Variants in CNTN5 observed in about 807,000 individuals in gnomAD.
CNTN5 encodes contactin 5, also known as contactin-5.
Under a neutral mutation model 129.1 loss-of-function variants are expected in CNTN5, and 77 were observed. The ratio of observed to expected loss-of-function variants is 0.60; its 90% confidence interval spans 0.50 to 0.72. The LOEUF is 0.72. CNTN5 is among the 30% of genes least tolerant of loss of function. The pLI is 0.00. For synonymous variants in CNTN5, 509 were observed against 465.6 expected, an observed-to-expected ratio of 1.09 and a Z score of -1.20; for missense variants, 1,478 against 1,328.8, an observed-to-expected ratio of 1.11 and a Z score of -1.75.
At chr11:100,259,699 G>A (rs1360991575) in intron 17 of CNTN5, among the ~76,000 whole-genome samples, 2 of 151,788 alleles carry the variant, frequency 1.3e-5, no homozygotes, top group African/African-American at 2.4e-5. Context: ...ATGACTACTG[G>A]GTAAATAATG....
intron 1 of CNTN5, among the ~76,000 whole-genome samples, chr11:99,257,421 T>C (rs1591432255): frequency 6.6e-6 from 1 of 152,180 alleles, no homozygotes; most frequent in East Asian, 1.9e-4. Context: ...TTTGTCAAAC[T>C]ATCCATCTTT....
At chr11:99,337,156 A>G (rs1866264409) in intron 2 of CNTN5, among the ~76,000 whole-genome samples, 1 of 152,208 alleles carries the variant, frequency 6.6e-6, no homozygotes, top group Non-Finnish European at 1.5e-5. Flanking sequence ...AAATGAAGAT[A>G]AGCATAATCT....
At chr11:99,348,938 T>C (rs1318157830) in intron 2 of CNTN5, among the ~76,000 whole-genome samples, 1 of 152,216 alleles carries the variant, frequency 6.6e-6, no homozygotes, top group Non-Finnish European at 1.5e-5. Context: ...AGGTTCACTA[T>C]AGCAGGTTCA....
intron 3 of CNTN5, among the ~76,000 whole-genome samples, chr11:99,772,452 G>T (rs1199075853): frequency 2.0e-5 from 3 of 151,990 alleles, no homozygotes; most frequent in Non-Finnish European, 4.4e-5. Flanking sequence ...TCTTGGATTT[G>T]CTCCTGACAT....
At chr11:99,073,374 GTTTTT>G (rs750531770) in intron 1 of CNTN5, among the ~76,000 whole-genome samples, 1 of 61,198 alleles carries the variant, frequency 1.6e-5, no homozygotes, top group Non-Finnish European at 2.9e-5. Flanking sequence ...TTATGGTTTG[GTTTTT>G]TTTTTTTTTT....
At chr11:100,008,260 A>G (rs2137508074) in intron 9 of CNTN5, among the ~76,000 whole-genome samples, 1 of 152,250 alleles carries the variant, frequency 6.6e-6, no homozygotes, top group Admixed American at 6.5e-5. Context: ...TTGTGCCAGT[A>G]GATTTGCTTG....
At chr11:99,388,432 C>G (rs10750287) in intron 2 of CNTN5, among the ~76,000 whole-genome samples, 144,462 of 144,676 alleles carry the variant, frequency 1, 72,128 homozygotes, top group East Asian at 1. Flanking sequence ...AAAAAAAAAA[C>G]ATGTTTTCAC....
intron 6 of CNTN5, among the ~76,000 whole-genome samples, chr11:99,901,497 T>A (rs1164303315): frequency 6.6e-6 from 1 of 152,134 alleles, no homozygotes; most frequent in Non-Finnish European, 1.5e-5. Flanking sequence ...TTCACCATGG[T>A]GACCAGGCTA....
At chr11:99,450,821 G>C (rs1351191295) in intron 2 of CNTN5, among the ~76,000 whole-genome samples, 3 of 143,940 alleles carry the variant, frequency 2.1e-5, no homozygotes, top group Non-Finnish European at 3.0e-5. Context: ...AAGGGAAAGG[G>C]CTTTGAGTAT....
intron 1 of CNTN5, among the ~76,000 whole-genome samples, chr11:99,203,950 T>C (rs956945009): frequency 6.6e-6 from 1 of 152,318 alleles, no homozygotes; most frequent in East Asian, 1.9e-4. Flanking sequence ...ATATCTCTAC[T>C]GTTGCTTTTA....
intron 1 of CNTN5, among the ~76,000 whole-genome samples, chr11:99,320,773 A>G (rs1865535421): frequency 1.3e-5 from 2 of 152,184 alleles, no homozygotes; most frequent in South Asian, 4.1e-4. Flanking sequence ...TGTGATGGCT[A>G]ATTTTATGTG....
intron 2 of CNTN5, among the ~76,000 whole-genome samples, chr11:99,429,682 C>T (rs748922756): frequency 1.8e-4 from 28 of 151,854 alleles, no homozygotes; most frequent in Admixed American, 3.3e-4. Context: ...AACTGGACCT[C>T]TGAGCACGGG....
At chr11:99,028,330 A>G (rs983585509) in intron 1 of CNTN5, among the ~76,000 whole-genome samples, 1 of 151,916 alleles carries the variant, frequency 6.6e-6, no homozygotes, top group Non-Finnish European at 1.5e-5. Context: ...CAGTGGCAGT[A>G]CAAAGGAAGA....
intron 21 of CNTN5, among the ~76,000 whole-genome samples, chr11:100,315,139 C>T (rs1415814565): frequency 2.6e-5 from 4 of 152,098 alleles, no homozygotes; most frequent in Admixed American, 6.6e-5. Flanking sequence ...ATAATCTTTT[C>T]CCTGATGCAG....
chr11:100,269,898 T>A (rs914439138), intron 17 of CNTN5, among the ~76,000 whole-genome samples: 4 of 152,158 alleles, frequency 2.6e-5, no homozygotes, highest in Non-Finnish European at 5.9e-5. Context: ...TAGAGAAGGC[T>A]GAGCATGATC....
chr11:100,080,786 T>C (rs536225256), intron 13 of CNTN5, among the ~76,000 whole-genome samples: 47 of 152,260 alleles, frequency 3.1e-4, no homozygotes, highest in Non-Finnish European at 5.4e-4. Context: ...AGAAATTGTA[T>C]AATGAAAGAA....
At chr11:100,274,127 T>A (rs998519691) in intron 18 of CNTN5, among the ~76,000 whole-genome samples, 1 of 152,330 alleles carries the variant, frequency 6.6e-6, no homozygotes, top group Non-Finnish European at 1.5e-5. Flanking sequence ...GGGGAAAGGA[T>A]ACCCTATTCA....
At chr11:100,284,991 A>C (rs932196805) in intron 18 of CNTN5, among the ~76,000 whole-genome samples, 3 of 152,174 alleles carry the variant, frequency 2.0e-5, no homozygotes, top group Non-Finnish European at 4.4e-5. Flanking sequence ...TAAGGCTTGA[A>C]TTTCTCACTC....
chr11:100,132,110 T>C (rs918857316), intron 13 of CNTN5, among the ~76,000 whole-genome samples: 3 of 152,066 alleles, frequency 2.0e-5, no homozygotes, highest in African/African-American at 7.2e-5. Context: ...ATATAGCCAA[T>C]TTGGCTTCCT....
Sources: gnomAD v4.1 joint callset for allele counts (sites outside exome capture counted in the v4.1 genomes callset) on GRCh38, gnomAD v4.1.1 for gene constraint, MANE v1.5 for transcripts, NCBI Gene and HGNC (gene_info 2026-07-23, HGNC 2026-07-21) for gene names.